Variants in CHP1 observed in about 807,000 individuals in gnomAD.
The protein encoded by CHP1 is calcineurin B homologous protein 1.
Under a neutral mutation model 27.4 loss-of-function variants are expected in CHP1, and 11 were observed. That is an observed-to-expected ratio of 0.40 (90% CI 0.25 to 0.67). The LOEUF (loss-of-function observed/expected upper bound fraction) is 0.67, where lower values mean the gene tolerates loss of function less well. CHP1 is among the 30% of genes least tolerant of loss of function. The pLI, the probability that CHP1 is intolerant of heterozygous loss-of-function variation, is 0.38. For missense variants in CHP1, 169 were observed against 251.3 expected, an observed-to-expected ratio of 0.67 and a Z score of 2.22; for synonymous variants, 89 against 87.4, an observed-to-expected ratio of 1.02 and a Z score of -0.10.
chr15:41,240,048 T>C (rs929720555), intron 1 of CHP1, among the ~76,000 whole-genome samples: 1 of 152,022 alleles, frequency 6.6e-6, no homozygotes, highest in African/African-American at 2.4e-5. Context: ...AGTGCTGGGA[T>C]TACAGCTGGG....
chr15:41,246,896 A>T (rs922354852), intron 2 of CHP1, among the ~76,000 whole-genome samples: 15 of 150,544 alleles, frequency 1.0e-4, no homozygotes, highest in East Asian at 2.0e-4. Flanking sequence ...TCAAAAAATT[A>T]AAAAAAAGCC....
At chr15:41,256,317 C>T (rs1180932260) in intron 2 of CHP1, among the ~76,000 whole-genome samples, 3 of 152,176 alleles carry the variant, frequency 2.0e-5, no homozygotes, top group East Asian at 1.9e-4. Flanking sequence ...GATGACTGCT[C>T]TTGTCATGTT....
chr15:41,241,499 T>G (rs1291813756), intron 1 of CHP1, among the ~76,000 whole-genome samples: 1 of 152,218 alleles, frequency 6.6e-6, no homozygotes, highest in Non-Finnish European at 1.5e-5. Context: ...AGCAATGGAA[T>G]CAGAATCTGT....
intron 1 of CHP1, among the ~76,000 whole-genome samples, chr15:41,232,043 G>A (rs2047248914): frequency 6.6e-6 from 1 of 151,894 alleles, no homozygotes; most frequent in Non-Finnish European, 1.5e-5. Context: ...AACTTCTAGA[G>A]AAAAAACACG....
At chr15:41,239,937 C>T (rs917371744) in intron 1 of CHP1, among the ~76,000 whole-genome samples, 4 of 151,874 alleles carry the variant, frequency 2.6e-5, no homozygotes, top group African/African-American at 4.8e-5. Flanking sequence ...CCACCACGCC[C>T]GTCTAATTTT....
At chr15:41,249,888 C>G (rs2047356543) in intron 2 of CHP1, among the ~76,000 whole-genome samples, 1 of 150,538 alleles carries the variant, frequency 6.6e-6, no homozygotes, top group Non-Finnish European at 1.5e-5. Flanking sequence ...GGGCCTGAAG[C>G]CAAATTCTGC....
Position 41,231,373 on chromosome 15 carries a change from C to T in CHP1, c.-10C>T, listed in dbSNP as rs769768033. 13 of 1,594,784 alleles carry T rather than the reference C, an allele frequency of 8.2e-6. 1 individual carries two copies. In the South Asian group the frequency reaches 1.5e-4, roughly 18 times the overall value. On this transcript the variant is annotated 5_prime_UTR_variant, in exon 1 of 7. Transcript: ENST00000334660. ...GCGCCGCTGCTCCCGGAGGAGCTCCCGGCACGGCGATGGGTTCTCGGGCCT... is the reference window on the plus strand; with the variant it reads ...GCGCCGCTGCTCCCGGAGGAGCTCCTGGCACGGCGATGGGTTCTCGGGCCT...
chr15:41,254,157 T>C (rs577905028), intron 2 of CHP1, among the ~76,000 whole-genome samples: 2 of 152,224 alleles, frequency 1.3e-5, no homozygotes, highest in East Asian at 3.9e-4. Flanking sequence ...TGGAACTACA[T>C]TATATATACA....
rs1373617816 is a variant in CHP1, at chr15:41,247,621, G to A, written c.140+3882G>A. 2.0e-5 allele frequency among the ~76,000 whole-genome samples: 3 copies of A among 151,822 alleles called. No homozygotes were observed. In the East Asian group the frequency reaches 5.8e-4, roughly 29 times the overall value. ...CGGGAGGTGGAGGTTGCAGTGAGCC[G>A]AGATCGTGCCACTGCACTCCAGCCT... On this transcript the variant is annotated intron_variant, in intron 2 of 6. Transcript: ENST00000334660.
chr15:41,235,150 A>G (rs1354284080), intron 1 of CHP1, among the ~76,000 whole-genome samples: 1 of 152,210 alleles, frequency 6.6e-6, no homozygotes, highest in Non-Finnish European at 1.5e-5. Context: ...ATAAAGCCAC[A>G]AATGTCTTAG....
intron 5 of CHP1, among the ~76,000 whole-genome samples, chr15:41,274,765 G>A (rs2047510789): frequency 6.7e-6 from 1 of 149,292 alleles, no homozygotes; most frequent in African/African-American, 2.5e-5. Context: ...GTTGTCTATT[G>A]ATTATCTTTG....
At chr15:41,266,360 A>T (rs61602493) in intron 4 of CHP1, among the ~76,000 whole-genome samples, 2,717 of 140,174 alleles carry the variant, frequency 0.019, 85 homozygotes, top group African/African-American at 0.064. Context: ...GATAGTGTTT[A>T]AAAAAAAAAA....
At chr15:41,278,973 G>A (rs2047532886) in intron 6 of CHP1, 84 bp downstream of exon 6, 2 of 1,559,258 alleles carry the variant, frequency 1.3e-6, no homozygotes, top group Non-Finnish European at 1.8e-6. Flanking sequence ...AGCACTTTAG[G>A]AGGCCAAGGT....
intron 1 of CHP1, among the ~76,000 whole-genome samples, chr15:41,232,208 ATTT>A (rs541011609): frequency 4.3e-4 from 56 of 131,592 alleles, no homozygotes; most frequent in African/African-American, 6.5e-4. Context: ...CTAGGAACTG[ATTT>A]TTTTTTTTTT....
intron 2 of CHP1, among the ~76,000 whole-genome samples, chr15:41,243,979 C>CGGG (rs1287317675): frequency 7.2e-5 from 11 of 152,270 alleles, no homozygotes; most frequent in Middle Eastern, 3.4e-3. Flanking sequence ...GCGGGCGGAT[C>CGGG]ATGAGGCCAG....
chr15:41,237,151 T>C (rs1036090665), intron 1 of CHP1, among the ~76,000 whole-genome samples: 1 of 148,406 alleles, frequency 6.7e-6, no homozygotes, highest in Non-Finnish European at 1.5e-5. Context: ...TTTTTCTTTT[T>C]TTTTTTTTAA....
intron 1 of CHP1, among the ~76,000 whole-genome samples, chr15:41,236,782 A>C (rs1202197331): frequency 2.0e-5 from 3 of 152,060 alleles, no homozygotes; most frequent in African/African-American, 7.2e-5. Context: ...TTACGTAACA[A>C]CAATACTATT....
At chr15:41,239,157 T>C (rs746788110) in intron 1 of CHP1, among the ~76,000 whole-genome samples, 4 of 152,158 alleles carry the variant, frequency 2.6e-5, no homozygotes, top group Non-Finnish European at 5.9e-5. Flanking sequence ...TCCTTCTTTT[T>C]GTTAACAAAA....
At chr15:41,256,847 G>A in intron 2 of CHP1, 63 bp from the exon 3 acceptor site, 1 of 1,368,568 alleles carries the variant, frequency 7.3e-7, no homozygotes. Context: ...GTTACCTCCT[G>A]ACTTAAGGAG....
Sources: allele counts gnomAD v4.1 joint callset (sites outside exome capture counted in the v4.1 genomes callset), GRCh38; gene constraint gnomAD v4.1.1; transcripts MANE v1.5; gene names NCBI Gene and HGNC (gene_info 2026-07-23, HGNC 2026-07-21).